CTNNA3: variants seen among roughly 807,000 people sequenced by gnomAD.
CTNNA3 encodes catenin alpha-3.
A neutral mutation model predicts 95.7 loss-of-function variants in CTNNA3; 76 were observed. That is an observed-to-expected ratio of 0.79 (90% CI 0.66 to 0.96). The LOEUF (loss-of-function observed/expected upper bound fraction) is 0.96. CTNNA3 is among the 40% of genes least tolerant of loss of function. The pLI, the probability that CTNNA3 is intolerant of heterozygous loss-of-function variation, is 0.00. For synonymous variants in CTNNA3, 431 were observed against 374.4 expected (o/e 1.15, Z -1.74); for missense variants, 1,191 against 1,089.8 (o/e 1.09, Z -1.31).
At chr10:67,201,716 A>G (rs1863660179) in intron 6 of CTNNA3, among the ~76,000 whole-genome samples, 1 of 152,114 alleles carries the variant, frequency 6.6e-6, no homozygotes. Flanking sequence ...TATATCCTCC[A>G]TTTCACATGT....
intron 1 of CTNNA3, among the ~76,000 whole-genome samples, chr10:67,676,720 C>T (rs1417473790): frequency 6.6e-6 from 1 of 152,198 alleles, no homozygotes; most frequent in Non-Finnish European, 1.5e-5. Flanking sequence ...TCCTGCTGCA[C>T]TCTAGCTGTT....
chr10:66,550,143 GT>G (rs1842170392), intron 10 of CTNNA3, among the ~76,000 whole-genome samples: 2 of 152,140 alleles, frequency 1.3e-5, no homozygotes, highest in African/African-American at 4.8e-5. Context: ...CTTTATAAAT[GT>G]TATGTCTTCC....
At chr10:66,972,339 GA>G (rs1382645822) in intron 7 of CTNNA3, among the ~76,000 whole-genome samples, 5 of 151,978 alleles carry the variant, frequency 3.3e-5, no homozygotes, top group Non-Finnish European at 7.4e-5. Context: ...CATTTTTTTA[GA>G]GATGAAATGA....
chr10:66,938,605 C>T (rs145612232), intron 7 of CTNNA3, among the ~76,000 whole-genome samples: 1 of 152,152 alleles, frequency 6.6e-6, no homozygotes, highest in Non-Finnish European at 1.5e-5. Context: ...GTGGCAGAGT[C>T]GGAAGATAAT....
At chr10:65,930,145 A>G (rs529822731) in intron 17 of CTNNA3, among the ~76,000 whole-genome samples, 6 of 134,384 alleles carry the variant, frequency 4.5e-5, no homozygotes, top group African/African-American at 1.7e-4. Flanking sequence ...AAATAGTGTG[A>G]GGTCAGCTCG....
rs192303145 is a variant in CTNNA3 at position 66,124,942 on chromosome 10, A to G, written c.1885-21693T>C. 1.5e-4 allele frequency among the ~76,000 whole-genome samples: 23 copies of G among 152,320 alleles called. No individual in the cohort carries two copies. In the East Asian group the frequency reaches 4.1e-3, roughly 27 times the overall value. On this transcript the variant is annotated intron_variant, in intron 13 of 17. Transcript: ENST00000433211. ...GGGGACACAGCCAAACCATATCACC[A>G]AATAAGAGAGTAGAGTAAATTTTTT...
chr10:66,624,413 A>C (rs887437569), intron 9 of CTNNA3, among the ~76,000 whole-genome samples: 1 of 152,148 alleles, frequency 6.6e-6, no homozygotes, highest in African/African-American at 2.4e-5. Flanking sequence ...AGAAAAGAAA[A>C]AAAGAAATTT....
intron 7 of CTNNA3, among the ~76,000 whole-genome samples, chr10:66,811,410 C>A (rs1365392730): frequency 6.6e-6 from 1 of 152,100 alleles, no homozygotes. Context: ...GAATGAAGAG[C>A]CAATTCTGAA....
At chr10:66,933,820 T>C (rs1401877631) in intron 7 of CTNNA3, among the ~76,000 whole-genome samples, 1 of 152,186 alleles carries the variant, frequency 6.6e-6, no homozygotes, top group Non-Finnish European at 1.5e-5. Flanking sequence ...CTTCCTCCGC[T>C]GGATGTAGCT....
At chr10:66,233,250 A>G (rs907986649) in intron 13 of CTNNA3, among the ~76,000 whole-genome samples, 2 of 151,784 alleles carry the variant, frequency 1.3e-5, no homozygotes, top group Admixed American at 1.3e-4. Flanking sequence ...TCTACACAGT[A>G]TCTTCATGAC....
chr10:66,500,414 A>G (rs572464982), intron 11 of CTNNA3, among the ~76,000 whole-genome samples: 3 of 152,270 alleles, frequency 2.0e-5, no homozygotes, highest in African/African-American at 4.8e-5. Flanking sequence ...GTAGTTTTAC[A>G]TACTTTGAAT....
At chr10:66,362,886 A>G (rs4475821) in intron 12 of CTNNA3, among the ~76,000 whole-genome samples, 54,910 of 152,052 alleles carry the variant, frequency 0.36, 11,353 homozygotes, top group Non-Finnish European at 0.47. Flanking sequence ...GTCATCTGTC[A>G]TTAAGATAAC....
intron 1 of CTNNA3, among the ~76,000 whole-genome samples, chr10:67,722,939 G>A (rs1841187948): frequency 6.6e-6 from 1 of 151,192 alleles, no homozygotes; most frequent in South Asian, 2.1e-4. Flanking sequence ...AGTTTTACTT[G>A]AGGAAGAGGA....
chr10:66,729,821 T>C (rs1848897337), intron 9 of CTNNA3, among the ~76,000 whole-genome samples: 1 of 152,132 alleles, frequency 6.6e-6, no homozygotes, highest in Non-Finnish European at 1.5e-5. Context: ...CATTCTATTA[T>C]AGGCCAGGCG....
chr10:66,629,641 T>C (rs907606845), intron 9 of CTNNA3, among the ~76,000 whole-genome samples: 3 of 152,120 alleles, frequency 2.0e-5, no homozygotes, highest in African/African-American at 7.2e-5. Context: ...TCATCACCTT[T>C]CCATCCCCAC....
At chr10:66,745,197 T>C (rs1231290339) in intron 9 of CTNNA3, among the ~76,000 whole-genome samples, 2 of 152,180 alleles carry the variant, frequency 1.3e-5, no homozygotes, top group Admixed American at 6.5e-5. Flanking sequence ...TCTTATTTGT[T>C]AGCTTCAAGT....
intron 10 of CTNNA3, among the ~76,000 whole-genome samples, chr10:66,534,398 A>G (rs1186255892): frequency 6.6e-6 from 1 of 151,646 alleles, no homozygotes. Flanking sequence ...AGAGTATAAT[A>G]AAAATAGTCA....
At chr10:67,092,704 T>C (rs1857727242) in intron 7 of CTNNA3, among the ~76,000 whole-genome samples, 1 of 151,920 alleles carries the variant, frequency 6.6e-6, no homozygotes, top group Non-Finnish European at 1.5e-5. Context: ...AAAAGACCAT[T>C]AGTAATTAGT....
intron 16 of CTNNA3, among the ~76,000 whole-genome samples, chr10:65,983,259 T>C (rs1309127627): frequency 6.6e-6 from 1 of 151,612 alleles, no homozygotes; most frequent in Non-Finnish European, 1.5e-5. Flanking sequence ...TGCTTAAAGA[T>C]CACCGAGGGA....
Sources: gnomAD v4.1 joint callset for allele counts (sites outside exome capture counted in the v4.1 genomes callset) on GRCh38, gnomAD v4.1.1 for gene constraint, MANE v1.5 for transcripts, NCBI Gene and HGNC (gene_info 2026-07-23, HGNC 2026-07-21) for gene names.